Variants in ARHGAP15 observed in about 807,000 individuals in gnomAD.
ARHGAP15 encodes Rho GTPase activating protein 15, also known as rho GTPase-activating protein 15.
ARHGAP15 carries 51 observed loss-of-function variants against 63.7 expected under a neutral mutation model. The ratio of observed to expected loss-of-function variants is 0.80; its 90% CI spans 0.64 to 1.01. The LOEUF is 1.01. Among genes scored for constraint, ARHGAP15 ranks in the 50% least tolerant of loss-of-function variants. The probability of loss-of-function intolerance (pLI) is 0.00; values close to 1 mark genes in which losing one functional copy is unlikely to be tolerated. For missense variants in ARHGAP15, 560 were observed against 564.6 expected (o/e 0.99, Z 0.08); for synonymous variants, 191 against 193.8 (o/e 0.99, Z 0.12).
intron 6 of ARHGAP15, among the ~76,000 whole-genome samples, chr2:143,305,099 G>C (rs1403432837): frequency 6.6e-6 from 1 of 152,078 alleles, no homozygotes; most frequent in East Asian, 1.9e-4. Flanking sequence ...ATGATAGACT[G>C]CATAAAGAAA....
At chr2:143,174,452 A>T (rs1387507514) in intron 2 of ARHGAP15, among the ~76,000 whole-genome samples, 1 of 152,198 alleles carries the variant, frequency 6.6e-6, no homozygotes, top group Non-Finnish European at 1.5e-5. Flanking sequence ...TAAAAAAAGA[A>T]ACATACAAAA....
At chr2:143,675,165 T>C (rs1263463162) in intron 12 of ARHGAP15, among the ~76,000 whole-genome samples, 1 of 152,222 alleles carries the variant, frequency 6.6e-6, no homozygotes, top group Non-Finnish European at 1.5e-5. Flanking sequence ...AAGAAACCAC[T>C]TTCTTTCTCA....
Position 143,283,036 on chromosome 2 carries a change from A to G in ARHGAP15, c.474+32436A>G, listed in dbSNP as rs75858979. Among the ~76,000 whole-genome samples, 354 of 152,312 alleles carry G rather than the reference A, an allele frequency of 2.3e-3. 2 individuals are homozygous for G. The highest frequency in any genetic ancestry group is 8.2e-3 in the African/African-American group (339 of 41,564). ...AAGCATAGAGTATAAATTGCCACTCACCACATAAAGTTGATGACTTTCTAT... is the reference window on the plus strand; with the variant it reads ...AAGCATAGAGTATAAATTGCCACTCGCCACATAAAGTTGATGACTTTCTAT... On this transcript the variant is annotated intron_variant, in intron 6 of 13. Coordinates refer to ENST00000295095, the MANE Select transcript of ARHGAP15 (RefSeq NM_018460.4).
intron 11 of ARHGAP15, among the ~76,000 whole-genome samples, chr2:143,623,115 T>G (rs1044370435): frequency 2.0e-5 from 3 of 152,200 alleles, no homozygotes; most frequent in Non-Finnish European, 4.4e-5. Flanking sequence ...ATCCAAAACC[T>G]TTTCCATGTT....
At chr2:143,229,207 T>C (rs1392866525) in intron 5 of ARHGAP15, among the ~76,000 whole-genome samples, 1 of 152,152 alleles carries the variant, frequency 6.6e-6, no homozygotes, top group African/African-American at 2.4e-5. Context: ...TGTTTATAAA[T>C]GGCACCTTAA....
At chr2:143,445,395 T>C (rs1690091039) in intron 8 of ARHGAP15, among the ~76,000 whole-genome samples, 1 of 152,046 alleles carries the variant, frequency 6.6e-6, no homozygotes, top group African/African-American at 2.4e-5. Flanking sequence ...CCTCCTGACC[T>C]CACGATCTGC....
chr2:143,342,709 G>A (rs1685112004), intron 6 of ARHGAP15, among the ~76,000 whole-genome samples: 1 of 151,942 alleles, frequency 6.6e-6, no homozygotes, highest in Non-Finnish European at 1.5e-5. Context: ...AACTATGCTG[G>A]GTTCTGGATG....
chr2:143,341,914 G>A (rs1256461571), intron 6 of ARHGAP15, among the ~76,000 whole-genome samples: 2 of 152,136 alleles, frequency 1.3e-5, no homozygotes, highest in East Asian at 3.9e-4. Context: ...AATATAACTT[G>A]CTTTCAGTTA....
At chr2:143,412,004 G>C (rs768945609) in intron 6 of ARHGAP15, among the ~76,000 whole-genome samples, 1 of 152,180 alleles carries the variant, frequency 6.6e-6, no homozygotes, top group Non-Finnish European at 1.5e-5. Context: ...TTTGAGAGGA[G>C]AGGGGTCAAT....
chr2:143,170,666 AG>A (rs1197948413), intron 2 of ARHGAP15, among the ~76,000 whole-genome samples: 1 of 152,122 alleles, frequency 6.6e-6, no homozygotes, highest in African/African-American at 2.4e-5. Flanking sequence ...ATTCAACTTC[AG>A]AGAGCCAACT....
intron 5 of ARHGAP15, among the ~76,000 whole-genome samples, chr2:143,245,027 G>A (rs1048071328): frequency 1.4e-4 from 21 of 152,196 alleles, no homozygotes; most frequent in African/African-American, 5.1e-4. Context: ...AGAAGATAAT[G>A]ATTTCACTGA....
chr2:143,149,600 ATAT>A (rs925093909), intron 1 of ARHGAP15, among the ~76,000 whole-genome samples: 1 of 152,038 alleles, frequency 6.6e-6, no homozygotes, highest in African/African-American at 2.4e-5. Context: ...TAACCCTAAA[ATAT>A]TATATGAATC....
At chr2:143,672,244 T>A (rs1324557043) in intron 12 of ARHGAP15, among the ~76,000 whole-genome samples, 1 of 152,090 alleles carries the variant, frequency 6.6e-6, no homozygotes, top group African/African-American at 2.4e-5. Flanking sequence ...AGATATAGTA[T>A]TAGGCAGACT....
At chr2:143,291,304 G>C (rs1301981684) in intron 6 of ARHGAP15, among the ~76,000 whole-genome samples, 1 of 152,028 alleles carries the variant, frequency 6.6e-6, no homozygotes, top group Admixed American at 6.6e-5. Context: ...TGAATATGAT[G>C]ATACATTAGA....
chr2:143,658,762 T>C (rs1443061729), intron 12 of ARHGAP15, among the ~76,000 whole-genome samples: 3 of 152,182 alleles, frequency 2.0e-5, no homozygotes, highest in South Asian at 4.1e-4. Flanking sequence ...TGGTAAGAGA[T>C]AGAGGAGGGC....
At chr2:143,198,131 A>T (rs1211135448) in intron 2 of ARHGAP15, among the ~76,000 whole-genome samples, 1 of 152,162 alleles carries the variant, frequency 6.6e-6, no homozygotes, top group Non-Finnish European at 1.5e-5. Flanking sequence ...TTCGATACTT[A>T]TAAAAATGGT....
intron 1 of ARHGAP15, among the ~76,000 whole-genome samples, chr2:143,144,632 A>C (rs1350915155): frequency 1.3e-5 from 2 of 152,054 alleles, no homozygotes; most frequent in Non-Finnish European, 2.9e-5. Context: ...AGTCTTAAGT[A>C]GAATATTTAC....
intron 12 of ARHGAP15, among the ~76,000 whole-genome samples, chr2:143,675,578 G>T (rs1559119979): frequency 6.6e-6 from 1 of 152,132 alleles, no homozygotes; most frequent in African/African-American, 2.4e-5. Flanking sequence ...GTGTTAGCAG[G>T]CATGAAAGCA....
chr2:143,479,215 T>G (rs990511936), intron 8 of ARHGAP15, among the ~76,000 whole-genome samples: 52 of 152,346 alleles, frequency 3.4e-4, no homozygotes, highest in Admixed American at 2.9e-3. Flanking sequence ...AATATTCTTA[T>G]ATATGCATGT....
Sources: allele counts gnomAD v4.1 joint callset (sites outside exome capture counted in the v4.1 genomes callset), GRCh38; gene constraint gnomAD v4.1.1; transcripts MANE v1.5; gene names NCBI Gene and HGNC (gene_info 2026-07-23, HGNC 2026-07-21).